MED11: variants seen among roughly 807,000 people sequenced by gnomAD.
MED11 encodes the protein mediator of RNA polymerase II transcription subunit 11.
MED11 carries 19 observed loss-of-function variants against 13.9 expected under a neutral mutation model. That is an observed-to-expected ratio of 1.36 (90% CI 0.95 to 2.00). MED11 has a LOEUF of 2.00. MED11 is among the 30% of genes most tolerant of loss of function. The probability of loss-of-function intolerance (pLI) is 0.00; values close to 1 mark genes in which losing one functional copy is unlikely to be tolerated. For synonymous variants in MED11, 67 were observed against 62.1 expected, an observed-to-expected ratio of 1.08 and a Z score of -0.37; for missense variants, 134 against 150.2, an observed-to-expected ratio of 0.89 and a Z score of 0.56.
chr17:4,731,605 A>G, intron 1 of MED11, 31 bp downstream of exon 1: 1 of 1,613,688 alleles, frequency 6.2e-7, no homozygotes, highest in Non-Finnish European at 8.5e-7. Context: ...GACAGCGGGG[A>G]GCGAAAGCGT....
chr17:4,731,619 C>G (rs568714091), intron 1 of MED11, 45 bp downstream of exon 1: 1 of 1,611,968 alleles, frequency 6.2e-7, no homozygotes, highest in Non-Finnish European at 8.5e-7. Flanking sequence ...AAAGCGTGAC[C>G]GGGCTGCACT....
Position 4,733,242 on chromosome 17 carries a change from A to G in MED11, c.*55A>G. 6.2e-7 allele frequency: 1 copy of G among 1,606,028 alleles called. No individual in the cohort carries two copies. Among genetic ancestry groups the G allele is most frequent in the Non-Finnish European group, 8.5e-7 (1 of 1,175,268 alleles). On this transcript the variant is annotated 3_prime_UTR_variant, in exon 3 of 3. Coordinates refer to ENST00000293777, the MANE Select transcript of MED11 (RefSeq NM_001001683.4). The stretch of plus-strand genomic sequence containing the variant: ...GAGACCATCACCTGTGCCATGGGAC[A>G]GAACCTGGGAACATGTAGGGTGGGG...
At chr17:4,731,608 G>A (rs751644819) in intron 1 of MED11, 34 bp downstream of exon 1, 3 of 1,613,530 alleles carry the variant, frequency 1.9e-6, no homozygotes, top group Admixed American at 1.7e-5. Context: ...AGCGGGGAGC[G>A]AAAGCGTGAC....
chr17:4,732,971 G>A (rs1916032317), intron 2 of MED11, 79 bp from the exon 3 acceptor site: 1 of 1,515,594 alleles, frequency 6.6e-7, no homozygotes, highest in South Asian at 1.2e-5. Flanking sequence ...CAAACTCAGG[G>A]AAGAAATGAG....
intron 1 of MED11, 100 bp downstream of exon 1, chr17:4,731,674 T>C: frequency 6.2e-7 from 1 of 1,607,036 alleles, no homozygotes; most frequent in East Asian, 2.2e-5. Flanking sequence ...GAGGGAATCC[T>C]ACGTGCGTGC....
chr17:4,733,084 A>G lies in MED11; in HGVS notation c.251A>G (p.Tyr84Cys). The change falls in exon 3 of 3, where the codon TAC (tyrosine) becomes TGC (cysteine). Residue 84 changes from tyrosine to cysteine, a missense_variant. Transcript: ENST00000293777. ...GGGCAGCCCCATGAGGGCTCCAGCTACTCTTCGAGGAAGGACTGTCAGATG... is the reference window on the plus strand; with the variant it reads ...GGGCAGCCCCATGAGGGCTCCAGCTGCTCTTCGAGGAAGGACTGTCAGATG... ...ATGQPHEGSS[Y>C]SSRKDCQMAL... The G allele has an allele frequency of 6.2e-7, 1 of 1,614,004 alleles. No homozygotes were observed. The highest frequency in any genetic ancestry group is 8.5e-7 in the Non-Finnish European group (1 of 1,179,980).
intron 1 of MED11, 67 bp downstream of exon 1, chr17:4,731,641 C>G: frequency 6.2e-7 from 1 of 1,610,642 alleles, no homozygotes; most frequent in Non-Finnish European, 8.5e-7. Flanking sequence ...GCAGCCTGAC[C>G]TGGGACTTGG....
In MED11 at chr17:4,733,332, T is replaced by G. The variant is rs959456471; in HGVS notation, c.*145T>G. 2 of 1,073,170 alleles carry G rather than the reference T, an allele frequency of 1.9e-6. No individual in the cohort carries two copies. Among genetic ancestry groups the G allele is most frequent in the African/African-American group, 1.6e-5 (1 of 62,804 alleles). 66.5% of individuals were successfully genotyped at this position (1,073,170 alleles called of 1,614,324 possible). A position where few individuals can be genotyped will look rare whatever the true frequency, so the allele number is the denominator to read the frequency against. On this transcript the variant is annotated 3_prime_UTR_variant, in exon 3 of 3. Coordinates refer to ENST00000293777, the MANE Select transcript of MED11 (RefSeq NM_001001683.4). ...AGGACAAAGGGGCAAATGGTGGGCATGGAAAAACTGAAGCCCGAGCCTGCC... is the reference window on the plus strand; with the variant it reads ...AGGACAAAGGGGCAAATGGTGGGCAGGGAAAAACTGAAGCCCGAGCCTGCC...
At chr17:4,732,991 G>A (rs1245839970) in intron 2 of MED11, 59 bp from the exon 3 acceptor site, 2 of 1,578,312 alleles carry the variant, frequency 1.3e-6, no homozygotes, top group African/African-American at 1.4e-5. Context: ...GACGAGACCT[G>A]ATGCCTGGTT....
chr17:4,733,528 C>T lies in MED11; in HGVS notation c.*341C>T, dbSNP rs1916056881. The stretch of plus-strand genomic sequence containing the variant: ...CTTGGCCTAATGAAAATACATACTT[C>T]TTCATTCGGAGAGACAAAACAAGAA... On this transcript the variant is annotated 3_prime_UTR_variant, in exon 3 of 3. Transcript: ENST00000293777. The T allele has an allele frequency of 4.7e-6, 1 of 214,390 alleles. No homozygotes were observed. Among genetic ancestry groups the T allele is most frequent in the Non-Finnish European group, 9.3e-6 (1 of 107,508 alleles). 13.3% of individuals were successfully genotyped at this position (214,390 alleles called of 1,614,324 possible).
chr17:4,732,010 C>A, intron 2 of MED11, 104 bp downstream of exon 2: 1 of 1,364,024 alleles, frequency 7.3e-7, no homozygotes, highest in Non-Finnish European at 9.8e-7. Flanking sequence ...ACCAGACCTC[C>A]CCAGCCGGCC....
chr17:4,733,088 T>C lies in MED11; in HGVS notation c.255T>C (p.Ser85=). 6.2e-7 allele frequency: 1 copy of C among 1,614,174 alleles called. No homozygotes were observed. ...TGQPHEGSSY[S]SRKDCQMALK... is the part of the protein sequence containing the mutation. ...AGCCCCATGAGGGCTCCAGCTACTC[T>C]TCGAGGAAGGACTGTCAGATGGCTC... Residue 85 remains serine (S), a synonymous_variant, in exon 3 of 3, where the codon TCT becomes TCC. Coordinates refer to ENST00000293777, the MANE Select transcript of MED11 (RefSeq NM_001001683.4).
In MED11 at chr17:4,733,509, C is replaced by A; in HGVS notation, c.*322C>A. ...GCCCCAGCCTTCCCGCAGACTTGGC[C>A]TAATGAAAATACATACTTCTTCATT... On this transcript the variant is annotated 3_prime_UTR_variant, in exon 3 of 3. Coordinates refer to ENST00000293777, the MANE Select transcript of MED11 (RefSeq NM_001001683.4). 1 of 251,520 alleles carries A rather than the reference C, an allele frequency of 4.0e-6. No individual in the cohort carries two copies. Among genetic ancestry groups the A allele is most frequent in the Non-Finnish European group, 7.6e-6 (1 of 131,152 alleles). 15.6% of individuals were successfully genotyped at this position (251,520 alleles called of 1,614,324 possible). A position where few individuals can be genotyped will look rare whatever the true frequency, so the allele number is the denominator to read the frequency against.
chr17:4,733,309 G>A lies in MED11; in HGVS notation c.*122G>A, dbSNP rs772985820. ...TACCCTGCTGGTCAAAGTACCCTAG[G>A]ACAAAGGGGCAAATGGTGGGCATGG... On this transcript the variant is annotated 3_prime_UTR_variant, in exon 3 of 3. Transcript: ENST00000293777. The A allele has an allele frequency of 1.0e-4, 130 of 1,257,080 alleles. 1 individual carries two copies. The highest frequency in any genetic ancestry group is 1.4e-4 in the Non-Finnish European group (127 of 916,878). 77.9% of individuals were successfully genotyped at this position (1,257,080 alleles called of 1,614,324 possible). A position where few individuals can be genotyped will look rare whatever the true frequency, so the allele number is the denominator to read the frequency against.
chr17:4,732,615 AAAGG>A (rs1223632066), intron 2 of MED11, among the ~76,000 whole-genome samples: 54 of 152,202 alleles, frequency 3.5e-4, no homozygotes, highest in South Asian at 1.9e-3. Flanking sequence ...TGAAAGAATT[AAAGG>A]TGGCCCTGCA....
At chr17:4,731,624 T>C (rs1235324547) in intron 1 of MED11, 50 bp downstream of exon 1, 1 of 1,611,998 alleles carries the variant, frequency 6.2e-7, no homozygotes, top group East Asian at 2.2e-5. Context: ...GTGACCGGGC[T>C]GCACTGGCAG....
At chr17:4,732,134 A>G (rs1915999148) in intron 2 of MED11, 4 of 502,938 alleles carry the variant, frequency 8.0e-6, no homozygotes, top group Non-Finnish European at 1.4e-5. Flanking sequence ...CTAAAAATAT[A>G]AAAATTAGGC....
In MED11 at chr17:4,731,462, ACTC is replaced by A; in HGVS notation, c.-27_-25del. 6.2e-7 allele frequency: 1 copy of A among 1,611,442 alleles called. No individual in the cohort carries two copies. The highest frequency in any genetic ancestry group is 2.2e-5 in the East Asian group (1 of 44,814). On this transcript the variant is annotated 5_prime_UTR_variant, in exon 1 of 3. Transcript: ENST00000293777. ...ACAAGCGTCGCGTTTCTGAGGAGAAACTCTTGGTGAGAATTCCCAGAGTGATAA... is the reference window on the plus strand; with the variant it reads ...ACAAGCGTCGCGTTTCTGAGGAGAAATTGGTGAGAATTCCCAGAGTGATAA...
Position 4,731,480 on chromosome 17 carries a change from C to A in MED11, c.-10C>A, listed in dbSNP as rs376017838. On this transcript the variant is annotated 5_prime_UTR_variant, in exon 1 of 3. Coordinates refer to ENST00000293777, the MANE Select transcript of MED11 (RefSeq NM_001001683.4). ...AGGAGAAACTCTTGGTGAGAATTCC[C>A]AGAGTGATAATGGCTACCTACAGCC... The A allele has an allele frequency of 1.9e-6, 3 of 1,613,390 alleles. No individual in the cohort carries two copies. The African/African-American group carries it at 4.0e-5, about 22-fold the overall frequency.
Sources: allele counts gnomAD v4.1 joint callset (sites outside exome capture counted in the v4.1 genomes callset), GRCh38; gene constraint gnomAD v4.1.1; transcripts MANE v1.5; gene names NCBI Gene and HGNC (gene_info 2026-07-23, HGNC 2026-07-21).